The following PRKG1 variants were observed in gnomAD, a reference collection of about 807,000 sequenced individuals.
PRKG1 encodes cGMP-dependent protein kinase 1.
In PRKG1, 35 loss-of-function variants were observed where a neutral mutation model predicts 88.1. The ratio of observed to expected loss-of-function variants is 0.40; its 90% CI spans 0.30 to 0.53. The LOEUF (loss-of-function observed/expected upper bound fraction) is 0.53. Among genes scored for constraint, PRKG1 ranks in the 20% least tolerant of loss-of-function variants. The pLI is 0.59. For synonymous variants in PRKG1, 303 were observed against 292.5 expected (o/e 1.04, Z -0.37); for missense variants, 540 against 839.8 (o/e 0.64, Z 4.41).
At chr10:51,808,568 C>T (rs1270556884) in intron 4 of PRKG1, among the ~76,000 whole-genome samples, 5 of 151,962 alleles carry the variant, frequency 3.3e-5, no homozygotes, top group African/African-American at 1.2e-4. Flanking sequence ...CTGCCACTGC[C>T]CTCCAGTCTG....
At chr10:51,134,269 G>T (rs1845638652) in intron 1 of PRKG1, among the ~76,000 whole-genome samples, 1 of 152,140 alleles carries the variant, frequency 6.6e-6, no homozygotes, top group Non-Finnish European at 1.5e-5. Context: ...CCTAAAATCT[G>T]TTTGCAGATG....
At chr10:51,621,272 A>G (rs1387486618) in intron 3 of PRKG1, among the ~76,000 whole-genome samples, 1 of 151,864 alleles carries the variant, frequency 6.6e-6, no homozygotes, top group African/African-American at 2.4e-5. Context: ...CAGATGAAAG[A>G]GTTTTGAAAT....
chr10:51,729,119 G>C (rs1842209310), intron 3 of PRKG1, among the ~76,000 whole-genome samples: 1 of 152,138 alleles, frequency 6.6e-6, no homozygotes, highest in African/African-American at 2.4e-5. Context: ...ATTACTCTAT[G>C]TTGAGAACCT....
intron 1 of PRKG1, among the ~76,000 whole-genome samples, chr10:51,147,139 G>A (rs552605705): frequency 6.6e-6 from 1 of 152,244 alleles, no homozygotes; most frequent in East Asian, 1.9e-4. Context: ...CAAAGAGTAG[G>A]GATGAGGGAA....
chr10:52,261,476 G>A (rs1280163560), intron 10 of PRKG1, among the ~76,000 whole-genome samples: 3 of 151,892 alleles, frequency 2.0e-5, no homozygotes, highest in Non-Finnish European at 4.4e-5. Context: ...GTGTGTGTGT[G>A]AGTGTGTGTG....
intron 1 of PRKG1, among the ~76,000 whole-genome samples, chr10:51,111,511 G>A (rs914633371): frequency 6.6e-6 from 1 of 152,092 alleles, no homozygotes; most frequent in Non-Finnish European, 1.5e-5. Context: ...AGGGAGACAA[G>A]GTAGGGGAAG....
intron 2 of PRKG1, among the ~76,000 whole-genome samples, chr10:51,187,989 T>C (rs1037275812): frequency 6.6e-6 from 1 of 152,038 alleles, no homozygotes; most frequent in African/African-American, 2.4e-5. Context: ...ATGGTTCTTA[T>C]TGGCACAATG....
chr10:51,942,922 A>C lies in PRKG1; in HGVS notation c.762+35352A>C, dbSNP rs1195053197. On this transcript the variant is annotated intron_variant, in intron 5 of 17. Coordinates refer to ENST00000373980, the MANE Select transcript of PRKG1 (RefSeq NM_006258.4). ...GCTTTGTTCTTTTGGCTTAGGATTG[A>C]CTTGGCGATGCGGGCTCTGTTTTGG... 2.6e-5 allele frequency among the ~76,000 whole-genome samples: 4 copies of C among 151,236 alleles called. No homozygotes were observed. In the East Asian group the frequency reaches 7.7e-4, roughly 29 times the overall value.
intron 3 of PRKG1, among the ~76,000 whole-genome samples, chr10:51,765,547 T>A (rs1281644856): frequency 6.6e-6 from 1 of 152,294 alleles, no homozygotes; most frequent in East Asian, 1.9e-4. Context: ...CTGTCCAGAG[T>A]TGAATTCCTA....
At chr10:51,305,939 T>C (rs1841025032) in intron 2 of PRKG1, among the ~76,000 whole-genome samples, 1 of 152,182 alleles carries the variant, frequency 6.6e-6, no homozygotes, top group South Asian at 2.1e-4. Context: ...TGTCTGACTA[T>C]TGGAAGCCTC....
At chr10:51,728,870 A>T (rs1211715687) in intron 3 of PRKG1, among the ~76,000 whole-genome samples, 1 of 152,240 alleles carries the variant, frequency 6.6e-6, no homozygotes, top group Non-Finnish European at 1.5e-5. Flanking sequence ...CATTTTCCAG[A>T]TCTAAAATGT....
intron 5 of PRKG1, among the ~76,000 whole-genome samples, chr10:51,947,592 A>T (rs995542228): frequency 6.6e-6 from 1 of 152,078 alleles, no homozygotes; most frequent in African/African-American, 2.4e-5. Context: ...AGCTGTTCCT[A>T]TTCGGCCATC....
At chr10:51,584,266 A>C (rs7069651) in intron 3 of PRKG1, among the ~76,000 whole-genome samples, 10,509 of 152,080 alleles carry the variant, frequency 0.069, 1,196 homozygotes, top group African/African-American at 0.24. Flanking sequence ...CAATTAACTA[A>C]AGTGATTTTT....
intron 1 of PRKG1, among the ~76,000 whole-genome samples, chr10:50,996,450 G>C (rs560674341): frequency 1.3e-5 from 2 of 152,348 alleles, no homozygotes; most frequent in South Asian, 4.1e-4. Context: ...TAGAATGGGA[G>C]TTAAAAGTCT....
chr10:51,287,590 A>C (rs996459077), intron 2 of PRKG1, among the ~76,000 whole-genome samples: 1 of 152,210 alleles, frequency 6.6e-6, no homozygotes, highest in Non-Finnish European at 1.5e-5. Context: ...ACAATAAACA[A>C]GATAATTTCA....
At chr10:51,503,466 T>C (rs901887509) in intron 3 of PRKG1, among the ~76,000 whole-genome samples, 5 of 152,176 alleles carry the variant, frequency 3.3e-5, no homozygotes, top group South Asian at 2.1e-4. Flanking sequence ...TCAGGAGAGC[T>C]GCACTGTCAT....
intron 3 of PRKG1, among the ~76,000 whole-genome samples, chr10:51,658,556 T>C (rs973378248): frequency 7.9e-5 from 12 of 151,142 alleles, no homozygotes; most frequent in Admixed American, 7.3e-4. Context: ...CTAACAATTA[T>C]AGAAAACTGA....
At chr10:51,843,093 CTTTTT>C (rs1167219822) in intron 4 of PRKG1, among the ~76,000 whole-genome samples, 1 of 87,912 alleles carries the variant, frequency 1.1e-5, no homozygotes, top group Non-Finnish European at 2.3e-5. Context: ...GAAAATTATT[CTTTTT>C]TTTTTTTTTT....
intron 8 of PRKG1, among the ~76,000 whole-genome samples, chr10:52,150,183 A>AATAATAATAATTATTATTATTATT (rs1554810290): frequency 6.8e-6 from 1 of 147,976 alleles, no homozygotes; most frequent in African/African-American, 2.5e-5. Context: ...TAATAATAAT[A>AATAATAATAATTATTATTATTATT]ATTTGATTGG....
Sources: allele counts gnomAD v4.1 joint callset (sites outside exome capture counted in the v4.1 genomes callset), GRCh38; gene constraint gnomAD v4.1.1; transcripts MANE v1.5; gene names NCBI Gene and HGNC (gene_info 2026-07-23, HGNC 2026-07-21).